The following GALNT2 variants were observed in gnomAD, a reference collection of about 807,000 sequenced individuals.
GALNT2 encodes the protein polypeptide N-acetylgalactosaminyltransferase 2.
Under a neutral mutation model 81.4 loss-of-function variants are expected in GALNT2, and 31 were observed. The ratio of observed to expected loss-of-function variants is 0.38; its 90% CI spans 0.29 to 0.51. GALNT2 has a LOEUF of 0.51. Among genes scored for constraint, GALNT2 ranks in the 20% least tolerant of loss-of-function variants. GALNT2 has a pLI of 0.87. For missense variants in GALNT2, 629 were observed against 765.7 expected (o/e 0.82, Z 2.11); for synonymous variants, 303 against 287.4 (o/e 1.05, Z -0.55).
chr1:230,143,499 G>A lies in GALNT2; in HGVS notation c.127-34719G>A, dbSNP rs540773741. Among the ~76,000 whole-genome samples the A allele has an allele frequency of 5.3e-5, 8 of 152,316 alleles. No homozygotes were observed. The South Asian group carries it at 1.7e-3, about 32-fold the overall frequency. On this transcript the variant is annotated intron_variant, in intron 1 of 15. Transcript: ENST00000366672. ...TCCTGAAGTCCCATGCAGAACTGCG[G>A]GGTGGTCCTGCTGAAGTTCTTGTGG... is the stretch of plus-strand genomic sequence containing the variant.
At chr1:230,083,115 GGATGATGGAGCAGGGAGCCTA>G (rs1271366563) in intron 1 of GALNT2, among the ~76,000 whole-genome samples, 11 of 148,768 alleles carry the variant, frequency 7.4e-5, no homozygotes, top group Non-Finnish European at 1.5e-4. Flanking sequence ...CAGGGAGCCA[GGATGATGGAGCAGGGAGCCTA>G]GATGATGGAG....
At chr1:230,214,319 C>T (rs1378434990) in intron 3 of GALNT2, among the ~76,000 whole-genome samples, 2 of 152,112 alleles carry the variant, frequency 1.3e-5, no homozygotes, top group African/African-American at 4.8e-5. Flanking sequence ...ACCATGTTGG[C>T]CAGGCCGGTC....
At chr1:230,195,507 G>A (rs546148236) in intron 2 of GALNT2, among the ~76,000 whole-genome samples, 4 of 152,162 alleles carry the variant, frequency 2.6e-5, no homozygotes, top group Admixed American at 1.3e-4. Flanking sequence ...CCTGGAGGAG[G>A]TAGCCACATT....
In GALNT2 at chr1:230,113,643, A is replaced by G. The variant is rs376445966; in HGVS notation, c.126+46237A>G. ...GAGTGGCTCTTGAGGAGCTCAGAGTATCTTGGGGCTGATGTTGCCTGTTGG... is the reference window on the plus strand; with the variant it reads ...GAGTGGCTCTTGAGGAGCTCAGAGTGTCTTGGGGCTGATGTTGCCTGTTGG... On this transcript the variant is annotated intron_variant, in intron 1 of 15. Transcript: ENST00000366672. 5.9e-5 allele frequency among the ~76,000 whole-genome samples: 9 copies of G among 152,192 alleles called. No individual in the cohort carries two copies. In the South Asian group the frequency reaches 1.9e-3, roughly 32 times the overall value.
intron 14 of GALNT2, among the ~76,000 whole-genome samples, chr1:230,265,589 C>A (rs1016679131): frequency 1.3e-5 from 2 of 152,194 alleles, no homozygotes; most frequent in African/African-American, 4.8e-5. Context: ...AGCTTCGGAC[C>A]AGGCTCTGCT....
At chr1:230,082,731 CTAGT>C (rs1463925763) in intron 1 of GALNT2, among the ~76,000 whole-genome samples, 2 of 152,220 alleles carry the variant, frequency 1.3e-5, no homozygotes, top group Admixed American at 6.5e-5. Flanking sequence ...CACTGGAGTG[CTAGT>C]TAGACAGCTG....
intron 1 of GALNT2, among the ~76,000 whole-genome samples, chr1:230,147,676 G>A (rs1425396180): frequency 6.6e-6 from 1 of 152,188 alleles, no homozygotes; most frequent in Non-Finnish European, 1.5e-5. Context: ...CCCCTGCAGT[G>A]GTTGAGGCTA....
chr1:230,195,664 C>T (rs1535136), intron 2 of GALNT2, among the ~76,000 whole-genome samples: 1 of 151,912 alleles, frequency 6.6e-6, no homozygotes, highest in Non-Finnish European at 1.5e-5. Context: ...CTGGGGTTGC[C>T]GATGGGACTG....
chr1:230,250,150 T>A (rs1665498476), intron 9 of GALNT2, among the ~76,000 whole-genome samples: 1 of 152,232 alleles, frequency 6.6e-6, no homozygotes, highest in African/African-American at 2.4e-5. Context: ...GTTCTTTGCC[T>A]ATGGCAGCAT....
intron 2 of GALNT2, among the ~76,000 whole-genome samples, chr1:230,180,827 T>G (rs1663136579): frequency 1.3e-5 from 2 of 152,346 alleles, no homozygotes; most frequent in South Asian, 2.1e-4. Context: ...ATACATATTT[T>G]GTCAGATTTG....
At chr1:230,133,677 A>C (rs1192613551) in intron 1 of GALNT2, among the ~76,000 whole-genome samples, 2 of 151,978 alleles carry the variant, frequency 1.3e-5, no homozygotes, top group East Asian at 3.9e-4. Context: ...CTGGTCTCGA[A>C]CTCCTGACCT....
intron 3 of GALNT2, among the ~76,000 whole-genome samples, chr1:230,210,736 A>T (rs1186522052): frequency 1.6e-4 from 25 of 152,174 alleles, no homozygotes; most frequent in Admixed American, 1.6e-3. Context: ...AAAGCTCTTA[A>T]GGGTGTATTC....
intron 3 of GALNT2, among the ~76,000 whole-genome samples, chr1:230,212,277 T>C (rs1328699757): frequency 6.6e-6 from 1 of 152,158 alleles, no homozygotes; most frequent in Non-Finnish European, 1.5e-5. Flanking sequence ...TCCCGGCTTT[T>C]AGGCATGAGT....
chr1:230,256,103 G>A (rs1204644678), intron 11 of GALNT2, among the ~76,000 whole-genome samples: 2 of 152,106 alleles, frequency 1.3e-5, no homozygotes, highest in Non-Finnish European at 2.9e-5. Flanking sequence ...CATGAGAGTG[G>A]AGCCCTCATG....
intron 8 of GALNT2, among the ~76,000 whole-genome samples, chr1:230,247,189 C>T (rs944276962): frequency 6.6e-6 from 1 of 152,130 alleles, no homozygotes; most frequent in African/African-American, 2.4e-5. Context: ...CCACGATCAA[C>T]CCTGGGAGAC....
chr1:230,173,739 CT>C (rs1220366203), intron 1 of GALNT2, among the ~76,000 whole-genome samples: 1 of 152,238 alleles, frequency 6.6e-6, no homozygotes, highest in Non-Finnish European at 1.5e-5. Flanking sequence ...CAAGAGCCTT[CT>C]TCATACATTT....
At chr1:230,123,746 C>T (rs1441686061) in intron 1 of GALNT2, among the ~76,000 whole-genome samples, 1 of 152,170 alleles carries the variant, frequency 6.6e-6, no homozygotes, top group African/African-American at 2.4e-5. Context: ...TTATGTTCTT[C>T]TCCTATATGA....
rs541507858 is a variant in GALNT2, at chr1:230,138,248, A to C, written c.127-39970A>C. ...ATTAAGAAAATAAACAGGGCCAGGC[A>C]TGGTGGCTCAGAGCGCCTGTATTCC... On this transcript the variant is annotated intron_variant, in intron 1 of 15. Transcript: ENST00000366672. Among the ~76,000 whole-genome samples the C allele has an allele frequency of 2.6e-5, 4 of 152,322 alleles. No homozygotes were observed. The South Asian group carries it at 6.2e-4, about 24-fold the overall frequency.
At position 230,274,522 on chromosome 1, in the gene GALNT2, TC is replaced by T; in HGVS notation, c.1519del (p.Ile508Ter). 1 of 1,614,050 alleles carries T rather than the reference TC, an allele frequency of 6.2e-7. No individual in the cohort carries two copies. Among genetic ancestry groups the T allele is most frequent in the Non-Finnish European group, 8.5e-7 (1 of 1,179,930 alleles). ...LTVVDRAPGS[L>X]IKLQGCREND... ...CTGTGGTGGACCGGGCACCGGGCTC[TC>T]TTATAAAGCTGCAGGGCTGCCGAGA... On this transcript the variant is annotated frameshift_variant, in exon 15 of 16. Transcript: ENST00000366672. LOFTEE classifies it high-confidence loss of function.
Sources: gnomAD v4.1 joint callset for allele counts (sites outside exome capture counted in the v4.1 genomes callset) on GRCh38, gnomAD v4.1.1 for gene constraint, MANE v1.5 for transcripts, NCBI Gene and HGNC (gene_info 2026-07-23, HGNC 2026-07-21) for gene names.